Variants in STAB1 observed in about 807,000 individuals in gnomAD.
The protein encoded by STAB1 is stabilin 1, also known as stabilin-1.
Under a neutral mutation model 332.4 loss-of-function variants are expected in STAB1, and 250 were observed. The observed-to-expected ratio is 0.75, with a 90% confidence interval of 0.68 to 0.84. The LOEUF is 0.84. Ranked by LOEUF, STAB1 falls within the 40% of genes least tolerant of loss-of-function variation. The pLI is 0.00. For synonymous variants in STAB1, 1,475 were observed against 1,390.4 expected (o/e 1.06, Z -1.35); for missense variants, 3,249 against 3,489.7 (o/e 0.93, Z 1.74).
In STAB1 at chr3:52,519,967, T is replaced by C; in HGVS notation, c.5259T>C (p.Leu1753=). ...AGGTGGCCGGCCTCCTGCCCCTGCT[T>C]CGAGAGGCATCCCATAGGCCCTTCA... ...LLKVAGLLPL[L]REASHRPFTM... is the part of the protein sequence containing the mutation. The change falls in exon 51 of 69, where the codon CTT becomes CTC. Residue 1753 remains leucine (L), a synonymous_variant. Coordinates refer to ENST00000321725, the MANE Select transcript of STAB1 (RefSeq NM_015136.3). The C allele has an allele frequency of 6.3e-7, 1 of 1,591,716 alleles. No homozygotes were observed. Among genetic ancestry groups the C allele is most frequent in the Non-Finnish European group, 8.6e-7 (1 of 1,168,398 alleles).
At position 52,519,534 on chromosome 3, in the gene STAB1, C is replaced by G; in HGVS notation, c.5205C>G (p.Phe1735Leu). The G allele has an allele frequency of 1.2e-6, 2 of 1,613,352 alleles. No homozygotes were observed. The highest frequency in any genetic ancestry group is 1.7e-6 in the Non-Finnish European group (2 of 1,180,014). The stretch of plus-strand genomic sequence containing the variant: ...ATGTCACCGCCGCCGCCCAGGGCTT[C>G]GGTTACAAGATCTTCAGCGGCCTCC... ...RRNVTAAAQG[F>L]GYKIFSGLLK... Residue 1735 changes from phenylalanine to leucine, a missense_variant, in exon 50 of 69, where the codon TTC becomes TTG. Transcript: ENST00000321725.
chr3:52,502,688 C>T lies in STAB1; in HGVS notation c.544C>T (p.Leu182=). ...TGGGCCACGTGGGGATGGAAGCTGC[C>T]TGTGCTTTGCTGGATACACTGGCCC... ...NHGPRGDGSC[L]CFAGYTGPHC... Residue 182 remains leucine (L), a synonymous_variant, in exon 6 of 69, where the codon CTG becomes TTG. Coordinates refer to ENST00000321725, the MANE Select transcript of STAB1 (RefSeq NM_015136.3). The T allele has an allele frequency of 6.2e-7, 1 of 1,613,876 alleles. No homozygotes were observed. Among genetic ancestry groups the T allele is most frequent in the Non-Finnish European group, 8.5e-7 (1 of 1,179,930 alleles).
chr3:52,520,661 G>A lies in STAB1; in HGVS notation c.5669G>A (p.Gly1890Glu). 1 of 1,612,770 alleles carries A rather than the reference G, an allele frequency of 6.2e-7. No homozygotes were observed. The highest frequency in any genetic ancestry group is 8.5e-7 in the Non-Finnish European group (1 of 1,179,970). ...TTCCAGAACACCTGCAGCATCTGTGGGCTGGAGCCACCCTGTCCTGAGGGG... is the reference window on the plus strand; with the variant it reads ...TTCCAGAACACCTGCAGCATCTGTGAGCTGGAGCCACCCTGTCCTGAGGGG... ...PLRLNTCSIC[G>E]LEPPCPEGSQ... The change falls in exon 54 of 69, where the codon GGG becomes GAG. Residue 1890 changes from glycine (G) to glutamate (E), a missense_variant. Transcript: ENST00000321725.
Position 52,502,075 on chromosome 3 carries a change from G to A in STAB1, c.401G>A (p.Gly134Glu). The A allele has an allele frequency of 6.2e-7, 1 of 1,613,646 alleles. No homozygotes were observed. The highest frequency in any genetic ancestry group is 8.5e-7 in the Non-Finnish European group (1 of 1,180,000). Residue 134 changes from glycine to glutamate, a missense_variant, in exon 4 of 69, where the codon GGG becomes GAG. Gly to Glu is a moderately conservative substitution (Grantham distance 98). Coordinates refer to ENST00000321725, the MANE Select transcript of STAB1 (RefSeq NM_015136.3). ...GTCLDGMDRN[G>E]TCVCQENFRG... The stretch of plus-strand genomic sequence containing the variant: ...TGCTTGGATGGCATGGACAGGAATG[G>A]GACCTGTGTGTGCCAGGTAAGGGCT...
At chr3:52,517,131 G>A (rs1465841677) in intron 42 of STAB1, 22 bp downstream of exon 42, 2 of 1,522,674 alleles carry the variant, frequency 1.3e-6, no homozygotes, top group African/African-American at 2.8e-5. Flanking sequence ...CCCCTAACCT[G>A]GGTTTATGTT....
chr3:52,500,067 T>C (rs1172554358), intron 1 of STAB1, among the ~76,000 whole-genome samples: 1 of 152,026 alleles, frequency 6.6e-6, no homozygotes, highest in Non-Finnish European at 1.5e-5. Context: ...AGCGAGACCC[T>C]TTCTCAAAGA....
chr3:52,503,581 C>T, intron 8 of STAB1, 41 bp downstream of exon 8: 2 of 1,599,872 alleles, frequency 1.3e-6, no homozygotes, highest in African/African-American at 1.3e-5. Context: ...CCACAGTGCA[C>T]CCAAACACTG....
At chr3:52,520,779 C>G in intron 54 of STAB1, 25 bp from the exon 55 acceptor site, 3 of 1,612,736 alleles carry the variant, frequency 1.9e-6, no homozygotes, top group Non-Finnish European at 2.5e-6. Flanking sequence ...AACCACCCAA[C>G]TGCGGCCTGA....
At position 52,510,048 on chromosome 3, in the gene STAB1, T is replaced by C. The variant is rs762500329; in HGVS notation, c.2526T>C (p.Gly842=). 6.2e-7 allele frequency: 1 copy of C among 1,609,196 alleles called. No homozygotes were observed. Among genetic ancestry groups the C allele is most frequent in the Non-Finnish European group, 8.5e-7 (1 of 1,177,230 alleles). ...ATGCCCGCTGTGTTAGCCAGGAGGG[T>C]GTTGCCAGGTGAGGACCCACACCTT... The part of the protein sequence containing the change: ...HLHARCVSQE[G]VARCRCLDGF... Residue 842 remains glycine, a synonymous_variant, in exon 23 of 69, where the codon GGT becomes GGC. Transcript: ENST00000321725.
chr3:52,512,594 A>G lies in STAB1; in HGVS notation c.2980-2A>G, dbSNP rs369392336. ...TGACCTCAGACTTTTCCCTTCCCTT[A>G]GGAGCTGGAGGCAAATGCCCACTTC... On this transcript the variant is annotated splice_acceptor_variant, in intron 27 of 68. Transcript: ENST00000321725. LOFTEE classifies it high-confidence loss of function. The G allele has an allele frequency of 4.3e-6, 7 of 1,613,818 alleles. No homozygotes were observed. Among genetic ancestry groups the G allele is most frequent in the Non-Finnish European group, 5.1e-6 (6 of 1,179,994 alleles).
chr3:52,517,566 G>C lies in STAB1; in HGVS notation c.4580G>C (p.Arg1527Pro). ...TGGGGACAGGTCTCCTGCAGCTGCC[G>C]TGAGGGTTACAGCGGGGATGGCATC... ...TGPQQVSCSCREGYSGDGIRT... is the reference protein window; with the variant it reads ...TGPQQVSCSCPEGYSGDGIRT... Residue 1527 changes from arginine to proline, a missense_variant, in exon 44 of 69, where the codon CGT (arginine) becomes CCT (proline). Arg to Pro is a moderately radical substitution (Grantham distance 103). Transcript: ENST00000321725. 1 of 1,612,882 alleles carries C rather than the reference G, an allele frequency of 6.2e-7. No individual in the cohort carries two copies. Among genetic ancestry groups the C allele is most frequent in the Non-Finnish European group, 8.5e-7 (1 of 1,179,886 alleles).
intron 21 of STAB1, chr3:52,508,687 T>C (rs1368422543): frequency 2.8e-6 from 1 of 355,070 alleles, no homozygotes; most frequent in Non-Finnish European, 5.5e-6. Flanking sequence ...CCTGGTGTTA[T>C]GGCACACACC....
At chr3:52,523,844 G>A (rs1366699958) in intron 66 of STAB1, 27 bp from the exon 67 acceptor site, 3 of 1,589,214 alleles carry the variant, frequency 1.9e-6, no homozygotes, top group Non-Finnish European at 1.7e-6. Flanking sequence ...CTCCCGCCAG[G>A]TCAACACTCT....
intron 15 of STAB1, 27 bp downstream of exon 15, chr3:52,505,808 G>A (rs373135054): frequency 9.0e-5 from 145 of 1,613,654 alleles, no homozygotes; most frequent in Non-Finnish European, 1.1e-4. Flanking sequence ...AAGGGGCTGC[G>A]GGTATGGGGG....
rs761841917 is a variant in STAB1 at position 52,516,102 on chromosome 3, A to AG, written c.4015dup (p.Val1339GlyfsTer30). ...TGTGTGAGCCATGCCCAGGGGGTCTAGGGGGGGTGTGCTCAGGCCATGGGC... is the reference window on the plus strand; with the variant it reads ...TGTGTGAGCCATGCCCAGGGGGTCTAGGGGGGGGTGTGCTCAGGCCATGGGC... On this transcript the variant is annotated frameshift_variant, in exon 38 of 69. Coordinates refer to ENST00000321725, the MANE Select transcript of STAB1 (RefSeq NM_015136.3). LOFTEE classifies it high-confidence loss of function. 61 of 1,611,342 alleles carry AG rather than the reference A, an allele frequency of 3.8e-5. No individual in the cohort carries two copies. The highest frequency in any genetic ancestry group is 4.7e-5 in the Non-Finnish European group (56 of 1,179,342).
In STAB1 at chr3:52,516,250, G is replaced by C. The variant is rs1559705737; in HGVS notation, c.4144+12G>C. ...CAACTGCACCGGAGGTGAGGACTGGGGAGGGGCGGGGGTGGGCCTCCTGGC... is the reference window on the plus strand; with the variant it reads ...CAACTGCACCGGAGGTGAGGACTGGCGAGGGGCGGGGGTGGGCCTCCTGGC... On this transcript the variant is annotated intron_variant, in intron 38 of 68. Transcript: ENST00000321725. 1.1e-5 allele frequency: 18 copies of C among 1,610,570 alleles called. No homozygotes were observed. Among genetic ancestry groups the C allele is most frequent in the Non-Finnish European group, 1.5e-5 (18 of 1,178,914 alleles).
At position 52,508,325 on chromosome 3, in the gene STAB1, G is replaced by A. The variant is rs866745795; in HGVS notation, c.2201G>A (p.Gly734Glu). Residue 734 changes from glycine to glutamate, a missense_variant, in exon 21 of 69, where the codon GGG (glycine) becomes GAG (glutamate). Transcript: ENST00000321725. ...GGGCCTGACTGCACGCAGTGTCCTG[G>A]GGGCTTCTCCAACCCCTGCTATGGC... ...FFGPDCTQCP[G>E]GFSNPCYGKG... 1 of 1,613,976 alleles carries A rather than the reference G, an allele frequency of 6.2e-7. No individual in the cohort carries two copies. The highest frequency in any genetic ancestry group is 8.5e-7 in the Non-Finnish European group (1 of 1,180,002).
intron 65 of STAB1, 25 bp from the exon 66 acceptor site, chr3:52,523,627 G>A: frequency 1.2e-6 from 2 of 1,612,804 alleles, no homozygotes; most frequent in Non-Finnish European, 1.7e-6. Context: ...CGCTCACAGT[G>A]GGCCTGACTC....
Position 52,501,312 on chromosome 3 carries a change from AC to A in STAB1, c.215+14del, listed in dbSNP as rs1220143536. On this transcript the variant is annotated intron_variant, in intron 2 of 68. Coordinates refer to ENST00000321725, the MANE Select transcript of STAB1 (RefSeq NM_015136.3). ...TAACCCAGGACTGCCGGTGCGGGCCACCCCTGTCCTTGCCTGTGTCCAGGAG... is the reference window on the plus strand; with the variant it reads ...TAACCCAGGACTGCCGGTGCGGGCCACCCTGTCCTTGCCTGTGTCCAGGAG... 2 of 1,611,650 alleles carry A rather than the reference AC, an allele frequency of 1.2e-6. No homozygotes were observed. Among genetic ancestry groups the A allele is most frequent in the African/African-American group, 1.3e-5 (1 of 75,006 alleles).
Sources: gnomAD v4.1 joint callset for allele counts (sites outside exome capture counted in the v4.1 genomes callset) on GRCh38, gnomAD v4.1.1 for gene constraint, MANE v1.5 for transcripts, NCBI Gene and HGNC (gene_info 2026-07-23, HGNC 2026-07-21) for gene names.